The following ABCG8 variants were observed in gnomAD, a reference collection of about 807,000 sequenced individuals.
ABCG8 encodes the protein ATP binding cassette subfamily G member 8.
ABCG8 carries 81 observed loss-of-function variants against 71.3 expected under a neutral mutation model. The ratio of observed to expected loss-of-function variants is 1.14; its 90% CI spans 0.95 to 1.37. The LOEUF (loss-of-function observed/expected upper bound fraction) is 1.37. ABCG8 is among the 40% of genes most tolerant of loss of function. ABCG8 has a pLI of 0.00. For synonymous variants in ABCG8, 451 were observed against 354.7 expected (o/e 1.27, Z -3.05); for missense variants, 1,119 against 866.2 (o/e 1.29, Z -3.66).
At chr2:43,867,792 T>C (rs1669584955) in intron 6 of ABCG8, among the ~76,000 whole-genome samples, 1 of 152,100 alleles carries the variant, frequency 6.6e-6, no homozygotes, top group Admixed American at 6.6e-5. Flanking sequence ...ACCATCTGGA[T>C]AGAACTGTCA....
chr2:43,855,573 G>A (rs900132571), intron 6 of ABCG8, among the ~76,000 whole-genome samples: 1 of 151,684 alleles, frequency 6.6e-6, no homozygotes, highest in African/African-American at 2.4e-5. Context: ...TCACCCTCCA[G>A]AGAGAACTCT....
intron 1 of ABCG8, among the ~76,000 whole-genome samples, chr2:43,839,950 AGGAGGT>A: frequency 6.6e-6 from 1 of 152,316 alleles, no homozygotes; most frequent in Middle Eastern, 3.4e-3. Flanking sequence ...GCCAGGTGGC[AGGAGGT>A]GGAGGTATGT....
At chr2:43,868,611 G>A (rs72798819) in intron 6 of ABCG8, among the ~76,000 whole-genome samples, 7,945 of 152,048 alleles carry the variant, frequency 0.052, 250 homozygotes, top group Middle Eastern at 0.11. Context: ...CGTCTGGATA[G>A]AACTCTGACT....
intron 6 of ABCG8, among the ~76,000 whole-genome samples, chr2:43,855,784 A>G (rs1199870092): frequency 6.6e-6 from 1 of 151,924 alleles, no homozygotes; most frequent in Non-Finnish European, 1.5e-5. Context: ...CTCTCAGGAT[A>G]GAACTCTCAC....
chr2:43,870,746 T>A (rs1232904781), intron 6 of ABCG8, among the ~76,000 whole-genome samples: 1 of 152,048 alleles, frequency 6.6e-6, no homozygotes, highest in Non-Finnish European at 1.5e-5. Flanking sequence ...ACTCTTTGGA[T>A]AGAACTCTCA....
At position 43,880,878 on chromosome 2, in the gene ABCG8, C is replaced by T. The variant is rs1028630482; in HGVS notation, c.*2965C>T. Reference sequence around the variant, plus strand: ...TCTCCCATCTACACTGCCACGCCTTCTCCTGTATGGACGTCCTGCCTACCC... The same window carrying T: ...TCTCCCATCTACACTGCCACGCCTTTTCCTGTATGGACGTCCTGCCTACCC... On this transcript the variant is annotated 3_prime_UTR_variant, in exon 13 of 13. Coordinates refer to ENST00000272286, the MANE Select transcript of ABCG8 (RefSeq NM_022437.3). 1 of 146,804 alleles carries T rather than the reference C, an allele frequency of 6.8e-6. No individual in the cohort carries two copies. The highest frequency in any genetic ancestry group is 6.7e-5 in the Admixed American group (1 of 14,942). 9.1% of individuals were successfully genotyped at this position (146,804 alleles called of 1,614,324 possible). A position where few individuals can be genotyped will look rare whatever the true frequency, so the allele number is the denominator to read the frequency against.
intron 6 of ABCG8, among the ~76,000 whole-genome samples, chr2:43,865,058 A>G (rs760227151): frequency 1.3e-4 from 20 of 151,764 alleles, no homozygotes; most frequent in Admixed American, 1.3e-4. Context: ...CTCTCTGGAT[A>G]GAACTCCCAC....
At position 43,852,441 on chromosome 2, in the gene ABCG8, G is replaced by T; in HGVS notation, c.649G>T (p.Glu217Ter). 1 of 1,612,970 alleles carries T rather than the reference G, an allele frequency of 6.2e-7. No homozygotes were observed. The highest frequency in any genetic ancestry group is 8.5e-7 in the Non-Finnish European group (1 of 1,180,010). The part of the protein sequence containing the change: ...NMYVRGLSGG[E>*]RRRVSIGVQL... ...GTACGTGCGGGGGTTGTCGGGGGGT[G>T]AGCGCAGGAGAGTCAGCATTGGGGT... The change falls in exon 5 of 13, where the codon GAG becomes TAG. Residue 217 changes from glutamate to a stop codon, truncating the protein, a stop_gained. Coordinates refer to ENST00000272286, the MANE Select transcript of ABCG8 (RefSeq NM_022437.3). LOFTEE classifies it high-confidence loss of function.
At chr2:43,842,735 C>G (rs1357423183) in intron 1 of ABCG8, among the ~76,000 whole-genome samples, 3 of 152,000 alleles carry the variant, frequency 2.0e-5, no homozygotes, top group Non-Finnish European at 4.4e-5. Context: ...TCTCCCCGCT[C>G]CCCAGAGATA....
intron 6 of ABCG8, among the ~76,000 whole-genome samples, chr2:43,868,332 T>C (rs1012713970): frequency 2.0e-5 from 3 of 151,926 alleles, no homozygotes; most frequent in African/African-American, 7.3e-5. Context: ...ACTATCTGTC[T>C]GGTAGAATTC....
intron 6 of ABCG8, among the ~76,000 whole-genome samples, chr2:43,856,590 A>G (rs1393602478): frequency 6.6e-6 from 1 of 151,428 alleles, no homozygotes; most frequent in Non-Finnish European, 1.5e-5. Context: ...AACTCTCCCT[A>G]TCTGGATACA....
chr2:43,878,247 G>T lies in ABCG8; in HGVS notation c.*334G>T. 2.7e-6 allele frequency: 1 copy of T among 376,798 alleles called. No homozygotes were observed. Among genetic ancestry groups the T allele is most frequent in the South Asian group, 2.1e-5 (1 of 47,016 alleles). The allele number at this position is 376,798 out of a possible 1,614,324, so 23.3% of individuals were successfully genotyped here. A position where few individuals can be genotyped will look rare whatever the true frequency, so the allele number is the denominator to read the frequency against. On this transcript the variant is annotated 3_prime_UTR_variant, in exon 13 of 13. Coordinates refer to ENST00000272286, the MANE Select transcript of ABCG8 (RefSeq NM_022437.3). ...GATGGGAGCAAACTAGGAATGAATT[G>T]GGTAGCTAGACTGTGCAGGAATTGT...
Position 43,851,600 on chromosome 2 carries a change from C to G in ABCG8, c.339C>G (p.Ser113=). The G allele has an allele frequency of 1.2e-6, 2 of 1,614,228 alleles. No individual in the cohort carries two copies. The highest frequency in any genetic ancestry group is 1.7e-6 in the Non-Finnish European group (2 of 1,180,042). ...IIGSSGCGRA[S]LLDVITGRGH... is the part of the protein sequence containing the mutation. ...GCTTTGCAGGTTGTGGGAGAGCCTCCTTGCTAGATGTGATCACTGGCCGAG... is the reference window on the plus strand; with the variant it reads ...GCTTTGCAGGTTGTGGGAGAGCCTCGTTGCTAGATGTGATCACTGGCCGAG... The change falls in exon 4 of 13, where the codon TCC becomes TCG. Residue 113 remains serine, a synonymous_variant. Transcript: ENST00000272286.
rs772542948 is a variant in ABCG8 at position 43,877,869 on chromosome 2, G to C, written c.1978G>C (p.Val660Leu). Residue 660 changes from valine (V) to leucine (L), a missense_variant, in exon 13 of 13, where the codon GTG becomes CTG. Val to Leu is a conservative substitution (Grantham distance 32). Coordinates refer to ENST00000272286, the MANE Select transcript of ABCG8 (RefSeq NM_022437.3). ...LSGGFMVLYY[V>L]SLRFIKQKPS... ...CGGTGGCTTCATGGTCCTGTACTACGTGTCCTTAAGGTTCATCAAACAGAA... is the reference window on the plus strand; with the variant it reads ...CGGTGGCTTCATGGTCCTGTACTACCTGTCCTTAAGGTTCATCAAACAGAA... 1.9e-6 allele frequency: 3 copies of C among 1,614,050 alleles called. No homozygotes were observed. The highest frequency in any genetic ancestry group is 4.5e-5 in the East Asian group (2 of 44,846).
chr2:43,871,855 G>T (rs147581305), intron 6 of ABCG8, 121 bp from the exon 7 acceptor site: 512 of 1,404,130 alleles, frequency 3.6e-4, no homozygotes, highest in Middle Eastern at 4.9e-4. Context: ...AGGGTGGGGA[G>T]AATGTCCCAG....
At chr2:43,874,274 TA>T (rs1404787795) in intron 9 of ABCG8, 132 bp from the exon 10 acceptor site, 12 of 897,320 alleles carry the variant, frequency 1.3e-5, no homozygotes, top group Non-Finnish European at 2.2e-5. Context: ...TTACTGTGCC[TA>T]TTTAAAAAAA....
rs551706420 is a variant in ABCG8 at position 43,878,689 on chromosome 2, G to A, written c.*776G>A. 3.3e-5 allele frequency: 5 copies of A among 153,314 alleles called. No homozygotes were observed. The highest frequency in any genetic ancestry group is 1.2e-4 in the African/African-American group (5 of 41,584). 9.5% of individuals were successfully genotyped at this position (153,314 alleles called of 1,614,324 possible). ...GCTGTAAGCCTTAGGAGTTTAGGAAGGCTCCAGAAGACAAATGGGGTCTGT... is the reference window on the plus strand; with the variant it reads ...GCTGTAAGCCTTAGGAGTTTAGGAAAGCTCCAGAAGACAAATGGGGTCTGT... On this transcript the variant is annotated 3_prime_UTR_variant, in exon 13 of 13. Transcript: ENST00000272286.
At chr2:43,856,444 A>G (rs1331990406) in intron 6 of ABCG8, among the ~76,000 whole-genome samples, 1 of 151,614 alleles carries the variant, frequency 6.6e-6, no homozygotes, top group East Asian at 1.9e-4. Flanking sequence ...AATTTTCACC[A>G]TCTGGATAGA....
At chr2:43,867,313 T>C (rs538670190) in intron 6 of ABCG8, among the ~76,000 whole-genome samples, 1 of 150,868 alleles carries the variant, frequency 6.6e-6, no homozygotes, top group African/African-American at 2.4e-5. Flanking sequence ...AACCTGCACA[T>C]TGTGCACATG....
Sources: gnomAD v4.1 joint callset for allele counts (sites outside exome capture counted in the v4.1 genomes callset) on GRCh38, gnomAD v4.1.1 for gene constraint, MANE v1.5 for transcripts, NCBI Gene and HGNC (gene_info 2026-07-23, HGNC 2026-07-21) for gene names.